The following ACAP2 variants were observed in gnomAD, a reference collection of about 807,000 sequenced individuals.
ACAP2 encodes ArfGAP with coiled-coil, ankyrin repeat and PH domains 2.
ACAP2 carries 39 observed loss-of-function variants against 115.8 expected under a neutral mutation model. The ratio of observed to expected loss-of-function variants is 0.34; its 90% CI spans 0.26 to 0.44. The LOEUF (loss-of-function observed/expected upper bound fraction) is 0.44, where lower values mean the gene tolerates loss of function less well. Among genes scored for constraint, ACAP2 ranks in the 20% least tolerant of loss-of-function variants. ACAP2 has a pLI of 1.00. For missense variants in ACAP2, 662 were observed against 927.6 expected (o/e 0.71, Z 3.72); for synonymous variants, 289 against 315.8 (o/e 0.92, Z 0.90).
At chr3:195,407,383 TA>T (rs1222636145) in intron 1 of ACAP2, among the ~76,000 whole-genome samples, 1 of 151,628 alleles carries the variant, frequency 6.6e-6, no homozygotes, top group Non-Finnish European at 1.5e-5. Flanking sequence ...AAAAATACAT[TA>T]AAAATATAGT....
intron 13 of ACAP2, among the ~76,000 whole-genome samples, chr3:195,303,772 G>A (rs534894119): frequency 5.9e-5 from 9 of 152,194 alleles, no homozygotes; most frequent in Non-Finnish European, 1.0e-4. Flanking sequence ...CTGTCTCCCC[G>A]CCATCCTGCT....
At chr3:195,388,368 C>G (rs959098599) in intron 2 of ACAP2, among the ~76,000 whole-genome samples, 3 of 152,188 alleles carry the variant, frequency 2.0e-5, no homozygotes, top group African/African-American at 7.2e-5. Context: ...AACTATGATG[C>G]ACTATGATGC....
At chr3:195,436,119 GTA>G (rs145050136) in intron 1 of ACAP2, among the ~76,000 whole-genome samples, 23,658 of 126,800 alleles carry the variant, frequency 0.19, 2,006 homozygotes, top group Admixed American at 0.3. Context: ...ACATATATAT[GTA>G]TATATATATA....
At chr3:195,407,501 G>GT (rs1408400505) in intron 1 of ACAP2, among the ~76,000 whole-genome samples, 1 of 152,160 alleles carries the variant, frequency 6.6e-6, no homozygotes. Context: ...AAGCTCAGAA[G>GT]TTTGAGACAA....
At chr3:195,379,063 T>C (rs1232810906) in intron 4 of ACAP2, among the ~76,000 whole-genome samples, 9 of 152,136 alleles carry the variant, frequency 5.9e-5, no homozygotes, top group South Asian at 2.1e-4. Flanking sequence ...CAATCACTTA[T>C]ATAAAAAAAA....
chr3:195,412,703 A>G (rs1195410111), intron 1 of ACAP2: 4 of 267,526 alleles, frequency 1.5e-5, no homozygotes, highest in Non-Finnish European at 2.3e-5. Flanking sequence ...GAGCTACAAG[A>G]AGTCTTTGTA....
chr3:195,342,186 C>T (rs1474933437), intron 6 of ACAP2, among the ~76,000 whole-genome samples: 1 of 152,078 alleles, frequency 6.6e-6, no homozygotes, highest in African/African-American at 2.4e-5. Context: ...ATTGACATAA[C>T]AACTCCAGAG....
rs545163329 is a variant in ACAP2 at position 195,417,901 on chromosome 3, A to G, written c.53+24894T>C. On this transcript the variant is annotated intron_variant, in intron 1 of 22. Transcript: ENST00000326793. ...GAGTTCAAGGTTGCAGTGAGCCACAATCACACCCCAGCCTGGGTGACAGAG... is the reference window on the plus strand; with the variant it reads ...GAGTTCAAGGTTGCAGTGAGCCACAGTCACACCCCAGCCTGGGTGACAGAG... 9.2e-5 allele frequency among the ~76,000 whole-genome samples: 14 copies of G among 152,130 alleles called. No individual in the cohort carries two copies. The South Asian group carries it at 1.7e-3, about 18-fold the overall frequency.
intron 6 of ACAP2, among the ~76,000 whole-genome samples, chr3:195,339,299 G>C (rs1024359892): frequency 6.6e-6 from 1 of 152,068 alleles, no homozygotes; most frequent in African/African-American, 2.4e-5. Flanking sequence ...TCAGTTTAGA[G>C]AACTACAATA....
chr3:195,312,935 G>A (rs1560231502), intron 10 of ACAP2: 1 of 152,200 alleles, frequency 6.6e-6, no homozygotes, highest in Non-Finnish European at 1.5e-5. Flanking sequence ...AGGGAAGGAA[G>A]CCATTTGGTA....
At chr3:195,282,287 A>C (rs1726557160) in intron 22 of ACAP2, 1 of 152,226 alleles carries the variant, frequency 6.6e-6, no homozygotes, top group Non-Finnish European at 1.5e-5. Context: ...TGCTTCCTTG[A>C]ATGAAAGTGT....
At chr3:195,314,743 T>C (rs546121463) in intron 10 of ACAP2, among the ~76,000 whole-genome samples, 2 of 152,194 alleles carry the variant, frequency 1.3e-5, no homozygotes, top group Non-Finnish European at 2.9e-5. Context: ...AAAATCTTCA[T>C]ATTTGAATCA....
intron 1 of ACAP2, among the ~76,000 whole-genome samples, chr3:195,393,068 G>A (rs1433932336): frequency 6.6e-6 from 1 of 152,182 alleles, no homozygotes; most frequent in Admixed American, 6.5e-5. Flanking sequence ...CAAGCATGGT[G>A]GCTCACACCT....
At chr3:195,298,800 T>A (rs1239375178) in intron 15 of ACAP2, among the ~76,000 whole-genome samples, 1 of 152,030 alleles carries the variant, frequency 6.6e-6, no homozygotes, top group Non-Finnish European at 1.5e-5. Flanking sequence ...CCTGGCTAAT[T>A]TTGTATTTTT....
intron 9 of ACAP2, among the ~76,000 whole-genome samples, chr3:195,325,122 A>G (rs1278952000): frequency 6.6e-6 from 1 of 152,188 alleles, no homozygotes; most frequent in East Asian, 1.9e-4. Flanking sequence ...CTCATAATAT[A>G]ATGAGCTGGC....
At chr3:195,292,165 T>G in intron 19 of ACAP2, 100 bp downstream of exon 19, 1 of 1,366,202 alleles carries the variant, frequency 7.3e-7, no homozygotes, top group Non-Finnish European at 9.7e-7. Flanking sequence ...TTCTAACCCA[T>G]CTCTTGAAGC....
rs34038109 is a variant in ACAP2, at chr3:195,424,915, TAAAAAAAA to T, written c.53+17872_53+17879del. ...TGAGTGATAGAGTGAGACCCTGTCT[TAAAAAAAA>T]AAAAAAAAAAAAAAAAAAAAAGGTT... On this transcript the variant is annotated intron_variant, in intron 1 of 22. Transcript: ENST00000326793. Among the ~76,000 whole-genome samples the T allele has an allele frequency of 3.7e-3, 207 of 55,620 alleles. 5 individuals carry two copies. Among genetic ancestry groups the T allele is most frequent in the Admixed American group, 8.5e-3 (28 of 3,292 alleles). The allele number at this position is 55,620 out of a possible 152,430, so 36.5% of individuals were successfully genotyped here.
chr3:195,396,793 GAAAAAAAAA>G (rs62983860), intron 1 of ACAP2, among the ~76,000 whole-genome samples: 2 of 91,820 alleles, frequency 2.2e-5, no homozygotes, highest in Non-Finnish European at 3.9e-5. Flanking sequence ...TCTCAAAAAA[GAAAAAAAAA>G]AAAAAAAAAA....
intron 4 of ACAP2, among the ~76,000 whole-genome samples, chr3:195,360,959 G>A (rs1471382748): frequency 1.4e-5 from 2 of 139,230 alleles, no homozygotes; most frequent in Non-Finnish European, 1.5e-5. Context: ...ATATTGCTAG[G>A]TCACAAAACA....
Sources: gnomAD v4.1 joint callset for allele counts (sites outside exome capture counted in the v4.1 genomes callset) on GRCh38, gnomAD v4.1.1 for gene constraint, MANE v1.5 for transcripts, NCBI Gene and HGNC (gene_info 2026-07-23, HGNC 2026-07-21) for gene names.